The following SCAPER variants were observed in gnomAD, a reference collection of about 807,000 sequenced individuals.
SCAPER encodes the protein S phase cyclin A-associated protein in the endoplasmic reticulum.
In SCAPER, 98 loss-of-function variants were observed where a neutral mutation model predicts 182.2. The ratio of observed to expected loss-of-function variants is 0.54; its 90% CI spans 0.46 to 0.64. SCAPER has a LOEUF of 0.64. Among genes scored for constraint, SCAPER ranks in the 30% least tolerant of loss-of-function variants. The probability of loss-of-function intolerance (pLI) is 0.00; values close to 1 mark genes in which losing one functional copy is unlikely to be tolerated. For synonymous variants in SCAPER, 605 were observed against 564.6 expected, an observed-to-expected ratio of 1.07 and a Z score of -1.01; for missense variants, 1,432 against 1,690.0, an observed-to-expected ratio of 0.85 and a Z score of 2.68.
chr15:76,713,202 A>C (rs1952921251), intron 17 of SCAPER, among the ~76,000 whole-genome samples: 1 of 152,118 alleles, frequency 6.6e-6, no homozygotes. Context: ...TAGTTCAACC[A>C]TTGTGGAAGT....
chr15:76,423,125 C>G (rs1439763216), intron 26 of SCAPER, among the ~76,000 whole-genome samples: 1 of 152,152 alleles, frequency 6.6e-6, no homozygotes, highest in Non-Finnish European at 1.5e-5. Context: ...CAGGATGATG[C>G]TGGCCTCATA....
chr15:76,768,397 A>G (rs2063235282), intron 10 of SCAPER, among the ~76,000 whole-genome samples: 1 of 152,214 alleles, frequency 6.6e-6, no homozygotes, highest in African/African-American at 2.4e-5. Flanking sequence ...GAGACAAACT[A>G]AGACATGAAT....
chr15:76,551,024 T>C (rs1330621046), intron 23 of SCAPER, among the ~76,000 whole-genome samples: 1 of 151,926 alleles, frequency 6.6e-6, no homozygotes, highest in Non-Finnish European at 1.5e-5. Flanking sequence ...TCTGACCCCA[T>C]CTAGAATGGC....
At chr15:76,636,658 G>A (rs1385480603) in intron 21 of SCAPER, among the ~76,000 whole-genome samples, 1 of 152,156 alleles carries the variant, frequency 6.6e-6, no homozygotes, top group Admixed American at 6.5e-5. Flanking sequence ...ACAGGCTGTT[G>A]TCTTCAAGGC....
intron 3 of SCAPER, among the ~76,000 whole-genome samples, chr15:76,859,270 AAGTGGGAC>A (rs1452653895): frequency 6.6e-6 from 1 of 152,230 alleles, no homozygotes; most frequent in African/African-American, 2.4e-5. Context: ...TATCTGACAT[AAGTGGGAC>A]ACCCTCACTG....
chr15:76,591,387 A>C (rs2145674033), intron 22 of SCAPER, among the ~76,000 whole-genome samples: 1 of 152,358 alleles, frequency 6.6e-6, no homozygotes, highest in East Asian at 1.9e-4. Context: ...GCAATAACAA[A>C]AACAATGGAA....
chr15:76,765,756 T>G lies in SCAPER; in HGVS notation c.1420-118A>C, dbSNP rs1598599541. 6 of 864,558 alleles carry G rather than the reference T, an allele frequency of 6.9e-6. No homozygotes were observed. The East Asian group carries it at 1.6e-4, about 23-fold the overall frequency. The allele number at this position is 864,558 out of a possible 1,614,324, so 53.6% of individuals were successfully genotyped here. ...TTAATATATTCTATTTAACCAACAG[T>G]TGAAAACCAGGAAAAAGGTACCTAC... On this transcript the variant is annotated intron_variant, in intron 11 of 31. Transcript: ENST00000563290.
chr15:76,732,073 A>G (rs886204191), intron 16 of SCAPER, among the ~76,000 whole-genome samples: 2 of 152,168 alleles, frequency 1.3e-5, no homozygotes, highest in Non-Finnish European at 2.9e-5. Context: ...CCGTAACTGA[A>G]AGAGAACACA....
At chr15:76,819,309 C>A (rs2067329324) in intron 5 of SCAPER, among the ~76,000 whole-genome samples, 1 of 152,180 alleles carries the variant, frequency 6.6e-6, no homozygotes, top group Admixed American at 6.5e-5. Context: ...CCCTGATCCC[C>A]AAGTAGCCTA....
intron 13 of SCAPER, 47 bp downstream of exon 13, chr15:76,765,290 A>T: frequency 1.4e-6 from 2 of 1,433,364 alleles, no homozygotes; most frequent in Non-Finnish European, 1.9e-6. Flanking sequence ...AAGAGTGGCT[A>T]GTTTCCTTGC....
rs144143599 is a variant in SCAPER at position 76,506,310 on chromosome 15, C to A, written c.2839-1336G>T. Among the ~76,000 whole-genome samples, 220 of 151,984 alleles carry A rather than the reference C, an allele frequency of 1.4e-3. 2 individuals carry two copies. Among genetic ancestry groups the A allele is most frequent in the African/African-American group, 4.8e-3 (200 of 41,468 alleles). On this transcript the variant is annotated intron_variant, in intron 23 of 31. Transcript: ENST00000563290. ...ATGAATGCTTTAGGTGATGGATACC[C>A]CATTTACTCAGATGTGATTATTAAG...
chr15:76,624,506 ATTAAG>A (rs1472044336), intron 21 of SCAPER, among the ~76,000 whole-genome samples: 25 of 152,198 alleles, frequency 1.6e-4, no homozygotes, highest in African/African-American at 6.0e-4. Context: ...TGCTATTCCT[ATTAAG>A]TTACCTTTCA....
chr15:76,800,470 A>G (rs2065693539), intron 6 of SCAPER, 106 bp from the exon 7 acceptor site: 3 of 718,960 alleles, frequency 4.2e-6, no homozygotes, highest in South Asian at 3.3e-5. Context: ...CTACTTTTCA[A>G]CAACAACAAC....
intron 15 of SCAPER, among the ~76,000 whole-genome samples, chr15:76,747,249 A>C (rs2061843702): frequency 6.6e-6 from 1 of 152,178 alleles, no homozygotes; most frequent in Non-Finnish European, 1.5e-5. Flanking sequence ...CACACCTGTA[A>C]TCCCAGCACT....
chr15:76,388,179 T>C (rs755094865), intron 27 of SCAPER, among the ~76,000 whole-genome samples: 1 of 152,096 alleles, frequency 6.6e-6, no homozygotes, highest in African/African-American at 2.4e-5. Context: ...TTTGAAGGAA[T>C]TGGGAAGTTT....
intron 10 of SCAPER, 99 bp from the exon 11 acceptor site, chr15:76,767,187 A>G: frequency 9.1e-7 from 1 of 1,098,640 alleles, no homozygotes; most frequent in East Asian, 2.6e-5. Flanking sequence ...GTATACATAA[A>G]ATTGTATTGA....
At chr15:76,447,305 T>A (rs191990896) in intron 25 of SCAPER, among the ~76,000 whole-genome samples, 1 of 152,310 alleles carries the variant, frequency 6.6e-6, no homozygotes, top group East Asian at 1.9e-4. Flanking sequence ...TGTGATAAAC[T>A]GGTAAATGTA....
At position 76,885,246 on chromosome 15, in the gene SCAPER, G is replaced by A. The variant is rs550018044; in HGVS notation, c.-59-1370C>T. On this transcript the variant is annotated intron_variant, in intron 1 of 31. Coordinates refer to ENST00000563290, the MANE Select transcript of SCAPER (RefSeq NM_020843.4). Reference sequence around the variant, plus strand: ...CCTCCAACCTCTCTCCATCTCACTCGGAGGAAAAGCCAAAGTCCTCACAGT... The same window carrying A: ...CCTCCAACCTCTCTCCATCTCACTCAGAGGAAAAGCCAAAGTCCTCACAGT... Among the ~76,000 whole-genome samples, 20 of 152,028 alleles carry A rather than the reference G, an allele frequency of 1.3e-4. No homozygotes were observed. The East Asian group carries it at 1.9e-3, about 15-fold the overall frequency.
chr15:76,750,745 A>T (rs1164480667), intron 15 of SCAPER, among the ~76,000 whole-genome samples: 1 of 151,894 alleles, frequency 6.6e-6, no homozygotes, highest in East Asian at 1.9e-4. Flanking sequence ...GAACAGAACA[A>T]ACTCAAAAGC....
Sources: gnomAD v4.1 joint callset for allele counts (sites outside exome capture counted in the v4.1 genomes callset) on GRCh38, gnomAD v4.1.1 for gene constraint, MANE v1.5 for transcripts, NCBI Gene and HGNC (gene_info 2026-07-23, HGNC 2026-07-21) for gene names.